The following KIRREL1 variants were observed in gnomAD, a reference collection of about 807,000 sequenced individuals.
KIRREL1 encodes the protein kin of IRRE-like protein 1.
In KIRREL1, 25 loss-of-function variants were observed where a neutral mutation model predicts 83.3. The observed-to-expected ratio is 0.30, with a 90% CI of 0.22 to 0.42. KIRREL1 has a LOEUF of 0.42. KIRREL1 is among the 10% of genes least tolerant of loss of function. The pLI, the probability that KIRREL1 is intolerant of heterozygous loss-of-function variation, is 1.00. For missense variants in KIRREL1, 812 were observed against 1,032.3 expected, an observed-to-expected ratio of 0.79 and a Z score of 2.92; for synonymous variants, 388 against 410.4, an observed-to-expected ratio of 0.95 and a Z score of 0.66.
At chr1:158,044,466 T>C (rs1660720798) in intron 1 of KIRREL1, among the ~76,000 whole-genome samples, 1 of 152,194 alleles carries the variant, frequency 6.6e-6, no homozygotes, top group African/African-American at 2.4e-5. Context: ...TTATTCAATG[T>C]TTTTAAAGTA....
intron 1 of KIRREL1, among the ~76,000 whole-genome samples, chr1:158,072,587 G>A (rs1324384146): frequency 3.3e-5 from 5 of 152,062 alleles, no homozygotes; most frequent in Admixed American, 2.6e-4. Context: ...AATCCCGAGG[G>A]AGCAGGGGGA....
chr1:158,054,887 G>A (rs1661009740), intron 1 of KIRREL1, among the ~76,000 whole-genome samples: 1 of 152,202 alleles, frequency 6.6e-6, no homozygotes, highest in Non-Finnish European at 1.5e-5. Flanking sequence ...GAAGATGGAA[G>A]TTCCTGATCT....
At chr1:158,057,011 A>G (rs532361288) in intron 1 of KIRREL1, among the ~76,000 whole-genome samples, 41 of 152,048 alleles carry the variant, frequency 2.7e-4, no homozygotes, top group African/African-American at 9.4e-4. Context: ...TCTTTTTTTC[A>G]TCTTCTCCTA....
chr1:158,094,608 A>T lies in KIRREL1; in HGVS notation c.1798-36A>T. ...GAGACTTGATCCCCACCCAAGAGGG[A>T]ACACTGCCTCCATCCTCTTCTCTCA... On this transcript the variant is annotated intron_variant, in intron 14 of 14. Coordinates refer to ENST00000359209, the MANE Select transcript of KIRREL1 (RefSeq NM_018240.7). The surrounding 1 kb of genome is among the most constrained non-coding windows in gnomAD (Gnocchi z 4.6). 6.6e-7 allele frequency: 1 copy of T among 1,515,018 alleles called. No homozygotes were observed. The highest frequency in any genetic ancestry group is 9.0e-7 in the Non-Finnish European group (1 of 1,110,956). 93.8% of individuals were successfully genotyped at this position (1,515,018 alleles called of 1,614,324 possible). A position where few individuals can be genotyped will look rare whatever the true frequency, so the allele number is the denominator to read the frequency against.
At chr1:158,051,248 G>A (rs1660903851) in intron 1 of KIRREL1, among the ~76,000 whole-genome samples, 1 of 152,138 alleles carries the variant, frequency 6.6e-6, no homozygotes, top group Non-Finnish European at 1.5e-5. Flanking sequence ...TGCTTATGCT[G>A]TTCCCTGGAA....
At chr1:158,068,134 G>A (rs1217864788) in intron 1 of KIRREL1, among the ~76,000 whole-genome samples, 1 of 152,200 alleles carries the variant, frequency 6.6e-6, no homozygotes, top group Admixed American at 6.5e-5. Context: ...GGGCATTTGA[G>A]GCTCCTACTG....
In KIRREL1 at chr1:158,091,525, A is replaced by T. The variant is rs1305518460; in HGVS notation, c.1440A>T (p.Pro480=). 6.2e-7 allele frequency: 1 copy of T among 1,614,158 alleles called. No individual in the cohort carries two copies. The highest frequency in any genetic ancestry group is 8.5e-7 in the Non-Finnish European group (1 of 1,180,060). The stretch of plus-strand genomic sequence containing the variant: ...GCACCGCCTGGAACAGCTTCGGGCC[A>T]GGCACAGCCATCATCCAGCTGGAAG... The part of the protein sequence containing the change: ...YNCTAWNSFG[P]GTAIIQLEER... The change falls in exon 11 of 15, where the codon CCA becomes CCT. Residue 480 remains proline, a synonymous_variant. Coordinates refer to ENST00000359209, the MANE Select transcript of KIRREL1 (RefSeq NM_018240.7).
intron 1 of KIRREL1, among the ~76,000 whole-genome samples, chr1:158,058,844 A>G (rs149093914): frequency 4.1e-4 from 63 of 152,208 alleles, no homozygotes; most frequent in African/African-American, 1.4e-3. Context: ...CAGCTCATCC[A>G]TCACCCATCC....
At chr1:158,031,573 C>T (rs1451152352) in intron 1 of KIRREL1, among the ~76,000 whole-genome samples, 3 of 152,208 alleles carry the variant, frequency 2.0e-5, no homozygotes, top group African/African-American at 7.2e-5. Flanking sequence ...CTCAGGAGTT[C>T]ACAGGGATGC....
At chr1:158,051,400 A>ACAC (rs1273135961) in intron 1 of KIRREL1, among the ~76,000 whole-genome samples, 1 of 152,216 alleles carries the variant, frequency 6.6e-6, no homozygotes, top group Non-Finnish European at 1.5e-5. Flanking sequence ...CACACAATGA[A>ACAC]CACCTATAGA....
chr1:158,034,569 T>C (rs1052795569), intron 1 of KIRREL1, among the ~76,000 whole-genome samples: 1 of 152,186 alleles, frequency 6.6e-6, no homozygotes, highest in African/African-American at 2.4e-5. Flanking sequence ...AAGTTCAGAA[T>C]CTCCTCTCGC....
intron 10 of KIRREL1, among the ~76,000 whole-genome samples, chr1:158,090,878 A>G (rs1445259811): frequency 2.0e-5 from 3 of 152,214 alleles, no homozygotes; most frequent in African/African-American, 7.2e-5. Context: ...GAAGAAAATA[A>G]GGCCTAGAAA....
chr1:158,031,329 A>G (rs1660319478), intron 1 of KIRREL1, among the ~76,000 whole-genome samples: 1 of 150,720 alleles, frequency 6.6e-6, no homozygotes, highest in African/African-American at 2.5e-5. Flanking sequence ...TCCACTAAAC[A>G]CACACACGCG....
At chr1:158,029,370 C>CTGTGTGTGTGTGTGT (rs1258028201) in intron 1 of KIRREL1, among the ~76,000 whole-genome samples, 4 of 10,458 alleles carry the variant, frequency 3.8e-4, no homozygotes, top group Non-Finnish European at 1.9e-3. Context: ...TGTGTGTGCA[C>CTGTGTGTGTGTGTGT]GTGCGCGCGC....
chr1:157,993,743 C>G lies in KIRREL1; in HGVS notation c.52+15C>G. The G allele has an allele frequency of 6.8e-7, 1 of 1,478,078 alleles. No homozygotes were observed. The allele number at this position is 1,478,078 out of a possible 1,614,324, so 91.6% of individuals were successfully genotyped here. ...TTTCTCCCAAGGTAAGGGCCCCCAG[C>G]CCACCCCCGGACGCTCGGCTTCCCC... is the stretch of plus-strand genomic sequence containing the variant. On this transcript the variant is annotated intron_variant, in intron 1 of 14. Coordinates refer to ENST00000359209, the MANE Select transcript of KIRREL1 (RefSeq NM_018240.7).
At chr1:158,045,802 C>G (rs1220531373) in intron 1 of KIRREL1, among the ~76,000 whole-genome samples, 1 of 152,202 alleles carries the variant, frequency 6.6e-6, no homozygotes, top group East Asian at 1.9e-4. Flanking sequence ...GTTGATCTTT[C>G]CAGCATCCTC....
chr1:158,034,452 C>T (rs12118340), intron 1 of KIRREL1, among the ~76,000 whole-genome samples: 9,998 of 152,008 alleles, frequency 0.066, 382 homozygotes, highest in South Asian at 0.21. Context: ...TGAGCATGAC[C>T]AAAATGGAAG....
intron 1 of KIRREL1, among the ~76,000 whole-genome samples, chr1:158,057,333 G>GTCTGC (rs886654476): frequency 6.6e-6 from 1 of 152,152 alleles, no homozygotes; most frequent in Non-Finnish European, 1.5e-5. Flanking sequence ...GTCTTTGGTG[G>GTCTGC]TCTGCTCAGA....
chr1:158,087,722 A>G (rs770170073), intron 5 of KIRREL1, 33 bp from the exon 6 acceptor site: 1 of 1,528,580 alleles, frequency 6.5e-7, no homozygotes. Flanking sequence ...AAGGGACAGA[A>G]AAGACCCTGA....
Sources: gnomAD v4.1 joint callset for allele counts (sites outside exome capture counted in the v4.1 genomes callset) on GRCh38, gnomAD v4.1.1 for gene constraint, Gnocchi (gnomAD v3.1) non-coding constraint, MANE v1.5 for transcripts, NCBI Gene and HGNC (gene_info 2026-07-23, HGNC 2026-07-21) for gene names.